Variants in UPK3A observed in about 807,000 individuals in gnomAD.
UPK3A encodes uroplakin 3A.
In UPK3A, 32 loss-of-function variants were observed where a neutral mutation model predicts 27.6. That is an observed-to-expected ratio of 1.16 (90% CI 0.87 to 1.55). UPK3A has a LOEUF of 1.55. Among genes scored for constraint, UPK3A ranks in the 40% most tolerant of loss-of-function variants. The pLI, the probability that UPK3A is intolerant of heterozygous loss-of-function variation, is 0.00. For synonymous variants in UPK3A, 171 were observed against 163.9 expected (o/e 1.04, Z -0.33); for missense variants, 370 against 367.9 (o/e 1.01, Z -0.05).
rs530742090 is a variant in UPK3A at position 45,293,025 on chromosome 22, A to G, written c.572-156A>G. Among the ~76,000 whole-genome samples, 19 of 152,066 alleles carry G rather than the reference A, an allele frequency of 1.2e-4. No homozygotes were observed. The South Asian group carries it at 4.0e-3, about 32-fold the overall frequency. ...AGTGGAATGTGGGGGAAAATAAGGT[A>G]ATTGTGCCTAAAACCTGAGAGAAGT... is the stretch of plus-strand genomic sequence containing the variant. On this transcript the variant is annotated intron_variant, in intron 4 of 5. Coordinates refer to ENST00000216211, the MANE Select transcript of UPK3A (RefSeq NM_006953.4).
chr22:45,287,211 C>G lies in UPK3A; in HGVS notation c.248C>G (p.Thr83Ser). 1 of 1,614,232 alleles carries G rather than the reference C, an allele frequency of 6.2e-7. No individual in the cohort carries two copies. Among genetic ancestry groups the G allele is most frequent in the South Asian group, 1.1e-5 (1 of 91,082 alleles). ...RNASVQDSTNTPLGSTFLQTE... is the reference protein window; with the variant it reads ...RNASVQDSTNSPLGSTFLQTE... The stretch of plus-strand genomic sequence containing the variant: ...GCCTCAGTGCAAGACAGCACCAACA[C>G]CCCACTGGGCTCAACGTTCCTACAA... Residue 83 changes from threonine (T) to serine (S), a missense_variant, in exon 3 of 6, where the codon ACC (threonine) becomes AGC (serine). Thr to Ser is a moderately conservative substitution (Grantham distance 58). Coordinates refer to ENST00000216211, the MANE Select transcript of UPK3A (RefSeq NM_006953.4).
At chr22:45,287,612 G>T (rs973125024) in intron 3 of UPK3A, among the ~76,000 whole-genome samples, 161 bp downstream of exon 3, 2 of 152,140 alleles carry the variant, frequency 1.3e-5, no homozygotes, top group African/African-American at 4.8e-5. Flanking sequence ...TTCAGAAGAG[G>T]CCCCTCTTGG....
chr22:45,295,010 C>T (rs1470212724), intron 5 of UPK3A, among the ~76,000 whole-genome samples: 13 of 151,888 alleles, frequency 8.6e-5, no homozygotes, highest in African/African-American at 2.7e-4. Context: ...GGATTACAGG[C>T]GACCATCACC....
chr22:45,292,089 G>C (rs1483355304), intron 4 of UPK3A, among the ~76,000 whole-genome samples: 1 of 152,198 alleles, frequency 6.6e-6, no homozygotes, highest in East Asian at 1.9e-4. Context: ...TTGGGACTAA[G>C]AGTCCTGAGC....
intron 5 of UPK3A, among the ~76,000 whole-genome samples, chr22:45,293,940 G>A (rs1324720193): frequency 2.0e-5 from 3 of 152,064 alleles, no homozygotes; most frequent in Non-Finnish European, 2.9e-5. Flanking sequence ...GAGGACTTGA[G>A]GTCTCCCGAG....
At chr22:45,290,841 C>A (rs956387949) in intron 4 of UPK3A, among the ~76,000 whole-genome samples, 2 of 152,108 alleles carry the variant, frequency 1.3e-5, no homozygotes, top group African/African-American at 4.8e-5. Context: ...GAGCGCGAAC[C>A]CTGTTGTGAA....
chr22:45,292,638 T>C (rs1217211512), intron 4 of UPK3A, among the ~76,000 whole-genome samples: 1 of 152,130 alleles, frequency 6.6e-6, no homozygotes, highest in Admixed American at 6.5e-5. Context: ...TGGTGGTGGC[T>C]CACACCTATA....
At chr22:45,288,850 C>A (rs535934028) in intron 3 of UPK3A, among the ~76,000 whole-genome samples, 2 of 152,202 alleles carry the variant, frequency 1.3e-5, no homozygotes, top group East Asian at 3.9e-4. Context: ...GGCAGCTGAT[C>A]CAGGGAGGGG....
At chr22:45,295,241 G>A (rs933684337) in intron 5 of UPK3A, among the ~76,000 whole-genome samples, 1 of 152,062 alleles carries the variant, frequency 6.6e-6, no homozygotes, top group African/African-American at 2.4e-5. Context: ...ACCTGCGCTT[G>A]TCCATGCTGC....
chr22:45,285,816 T>C, intron 1 of UPK3A, 125 bp from the exon 2 acceptor site: 1 of 1,375,610 alleles, frequency 7.3e-7, no homozygotes, highest in East Asian at 2.4e-5. Flanking sequence ...AGACAGCTTA[T>C]GCGGTGGCCC....
intron 5 of UPK3A, among the ~76,000 whole-genome samples, chr22:45,294,416 C>CT (rs572990255): frequency 6.6e-6 from 1 of 151,326 alleles, no homozygotes; most frequent in African/African-American, 2.4e-5. Flanking sequence ...CTGGTACACC[C>CT]CCCCCGGGAG....
intron 4 of UPK3A, among the ~76,000 whole-genome samples, chr22:45,289,955 G>A (rs1336006942): frequency 1.3e-5 from 2 of 152,126 alleles, no homozygotes; most frequent in African/African-American, 2.4e-5. Context: ...GAGCTGACCC[G>A]GCATTTACGT....
rs35628051 is a variant in UPK3A at position 45,294,413 on chromosome 22, A to ACC, written c.704+1107_704+1108dup. On this transcript the variant is annotated intron_variant, in intron 5 of 5. Transcript: ENST00000216211. The stretch of plus-strand genomic sequence containing the variant: ...CCCCCATCCCTGCTAACCCTGGTAC[A>ACC]CCCCCCCCGGGAGACCTCGAGTCCT... Among the ~76,000 whole-genome samples, 474 of 149,520 alleles carry ACC rather than the reference A, an allele frequency of 3.2e-3. 2 individuals are homozygous for ACC. Among genetic ancestry groups the ACC allele is most frequent in the African/African-American group, 8.8e-3 (358 of 40,600 alleles).
chr22:45,289,288 T>C, intron 4 of UPK3A, 145 bp downstream of exon 4: 6 of 776,060 alleles, frequency 7.7e-6, no homozygotes, highest in Non-Finnish European at 1.3e-5. Flanking sequence ...TTAAAGCTGT[T>C]GAGCCAGGCC....
At chr22:45,292,341 G>C (rs994719828) in intron 4 of UPK3A, among the ~76,000 whole-genome samples, 3 of 152,134 alleles carry the variant, frequency 2.0e-5, no homozygotes, top group African/African-American at 7.2e-5. Flanking sequence ...TCCTTGGCTG[G>C]GGACTCAGGC....
chr22:45,285,297 G>T (rs2084109893), intron 1 of UPK3A, among the ~76,000 whole-genome samples: 1 of 152,254 alleles, frequency 6.6e-6, no homozygotes, highest in South Asian at 2.1e-4. Context: ...GGGGGCTGCG[G>T]TAGGACAGAG....
At chr22:45,288,806 T>G (rs2084137874) in intron 3 of UPK3A, among the ~76,000 whole-genome samples, 2 of 152,306 alleles carry the variant, frequency 1.3e-5, no homozygotes, top group Middle Eastern at 3.4e-3. Context: ...GAAGGGCAGC[T>G]TCTGATTCTG....
intron 4 of UPK3A, among the ~76,000 whole-genome samples, chr22:45,291,531 T>C (rs2084161095): frequency 6.7e-6 from 1 of 149,674 alleles, no homozygotes; most frequent in African/African-American, 2.5e-5. Context: ...TTGGAATGTG[T>C]GTTGTGTGGT....
Position 45,287,503 on chromosome 22 carries a change from A to T in UPK3A, c.488+52A>T, listed in dbSNP as rs1183421598. 2.6e-6 allele frequency: 4 copies of T among 1,552,500 alleles called. No homozygotes were observed. In the East Asian group the frequency reaches 9.7e-5, roughly 37 times the overall value. On this transcript the variant is annotated intron_variant, in intron 3 of 5. Transcript: ENST00000216211. ...GAGCCGCGGCAGTTCCCCAGTCCTG[A>T]TGAGGGAGAGCAGGGGCAAAGTAGG... is the stretch of plus-strand genomic sequence containing the variant.
Sources: gnomAD v4.1 joint callset for allele counts (sites outside exome capture counted in the v4.1 genomes callset) on GRCh38, gnomAD v4.1.1 for gene constraint, MANE v1.5 for transcripts, NCBI Gene and HGNC (gene_info 2026-07-23, HGNC 2026-07-21) for gene names.